HLCS: variants seen among roughly 807,000 people sequenced by gnomAD.
The protein encoded by HLCS is holocarboxylase synthetase, also known as biotin--protein ligase.
Under a neutral mutation model 75.0 loss-of-function variants are expected in HLCS, and 53 were observed. The observed-to-expected ratio is 0.71, with a 90% confidence interval of 0.57 to 0.89. The LOEUF (loss-of-function observed/expected upper bound fraction) is 0.89, where lower values mean the gene tolerates loss of function less well. Ranked by LOEUF, HLCS falls within the 40% of genes least tolerant of loss-of-function variation. HLCS has a pLI of 0.00. For synonymous variants in HLCS, 431 were observed against 428.6 expected, an observed-to-expected ratio of 1.01 and a Z score of -0.07; for missense variants, 966 against 1,074.0, an observed-to-expected ratio of 0.90 and a Z score of 1.41.
intron 6 of HLCS, among the ~76,000 whole-genome samples, chr21:36,808,746 T>C (rs1259944037): frequency 6.6e-6 from 1 of 152,228 alleles, no homozygotes; most frequent in Non-Finnish European, 1.5e-5. Context: ...TCCAGTAGTC[T>C]TTACTCTTTT....
intron 6 of HLCS, among the ~76,000 whole-genome samples, chr21:36,869,097 A>T (rs1027523867): frequency 5.5e-5 from 6 of 109,080 alleles, no homozygotes; most frequent in Admixed American, 1.7e-4. Context: ...AAAGATGTTT[A>T]ATTTATTTAT....
At chr21:36,918,744 C>T (rs1479323405) in intron 5 of HLCS, among the ~76,000 whole-genome samples, 1 of 152,226 alleles carries the variant, frequency 6.6e-6, no homozygotes, top group Admixed American at 6.5e-5. Context: ...CGACTTGCTG[C>T]TATTTGCAGA....
chr21:36,787,235 G>T (rs2060715480), intron 6 of HLCS, among the ~76,000 whole-genome samples: 1 of 152,186 alleles, frequency 6.6e-6, no homozygotes, highest in African/African-American at 2.4e-5. Flanking sequence ...GCTCAGTTTT[G>T]GATGTTCCTC....
At chr21:36,932,781 A>C (rs148976320) in intron 4 of HLCS, among the ~76,000 whole-genome samples, 68 of 152,358 alleles carry the variant, frequency 4.5e-4, no homozygotes, top group Non-Finnish European at 7.9e-4. Context: ...AGAATCTCTC[A>C]ATTCCTACCT....
intron 6 of HLCS, among the ~76,000 whole-genome samples, chr21:36,891,492 C>A (rs558207727): frequency 5.3e-5 from 8 of 152,308 alleles, no homozygotes; most frequent in African/African-American, 1.9e-4. Context: ...CCTAAAAATG[C>A]AGCCTGATAT....
intron 6 of HLCS, among the ~76,000 whole-genome samples, chr21:36,820,610 G>A (rs534954400): frequency 6.6e-6 from 1 of 152,326 alleles, no homozygotes; most frequent in South Asian, 2.1e-4. Flanking sequence ...TGGACTTTGG[G>A]CACCAACAAG....
At chr21:36,815,550 C>A (rs1211789399) in intron 6 of HLCS, among the ~76,000 whole-genome samples, 1 of 152,180 alleles carries the variant, frequency 6.6e-6, no homozygotes, top group Non-Finnish European at 1.5e-5. Flanking sequence ...CAGAGCAGTA[C>A]GCTTAAGAAT....
Position 36,752,744 on chromosome 21 carries a change from A to G in HLCS, c.*1502T>C, listed in dbSNP as rs1374185812. The G allele has an allele frequency of 6.6e-6, 1 of 152,350 alleles. No individual in the cohort carries two copies. Among genetic ancestry groups the G allele is most frequent in the Non-Finnish European group, 1.5e-5 (1 of 68,044 alleles). 9.4% of individuals were successfully genotyped at this position (152,350 alleles called of 1,614,324 possible). A position where few individuals can be genotyped will look rare whatever the true frequency, so the allele number is the denominator to read the frequency against. On this transcript the variant is annotated 3_prime_UTR_variant, in exon 11 of 11. Coordinates refer to ENST00000674895, the MANE Select transcript of HLCS (RefSeq NM_001352514.2). ...TTAATGTTTCATTTCCAAAAAATAT[A>G]TATTGGGTATTTTTTCATAGGGCTG...
At chr21:36,977,800 A>G (rs2068982102) in intron 1 of HLCS, among the ~76,000 whole-genome samples, 1 of 152,196 alleles carries the variant, frequency 6.6e-6, no homozygotes, top group Admixed American at 6.5e-5. Flanking sequence ...GAATAATAAT[A>G]GCATCCACCT....
chr21:36,883,385 T>C (rs78251437), intron 6 of HLCS, among the ~76,000 whole-genome samples: 2,749 of 152,354 alleles, frequency 0.018, 35 homozygotes, highest in Middle Eastern at 0.054. Context: ...AACTGGCACA[T>C]TTATTTTAAA....
chr21:36,981,786 C>T (rs1408488001), intron 1 of HLCS, among the ~76,000 whole-genome samples: 1 of 152,110 alleles, frequency 6.6e-6, no homozygotes, highest in Admixed American at 6.6e-5. Flanking sequence ...ACCCTGAATG[C>T]TTCACTTTCA....
At position 36,765,021 on chromosome 21, in the gene HLCS, G is replaced by A. The variant is rs762221640; in HGVS notation, c.2112C>T (p.Pro704=). The A allele has an allele frequency of 1.1e-5, 17 of 1,614,056 alleles. No homozygotes were observed. Among genetic ancestry groups the A allele is most frequent in the East Asian group, 2.2e-5 (1 of 44,894 alleles). Reference sequence around the variant, plus strand: ...ACTGAACTGTACCTACCTGATACTCGGGAATGGACCTCACTGCTTCCACGA... The same window carrying A: ...ACTGAACTGTACCTACCTGATACTCAGGAATGGACCTCACTGCTTCCACGA... ...VAVVEAVRSI[P]EYQDINLRVK... The change falls in exon 8 of 11, where the codon CCC becomes CCT. Residue 704 remains proline (P), a synonymous_variant. Transcript: ENST00000674895.
At chr21:36,758,983 CA>C (rs376622742) in intron 9 of HLCS, among the ~76,000 whole-genome samples, 5,965 of 131,022 alleles carry the variant, frequency 0.046, 130 homozygotes, top group Middle Eastern at 0.14. Flanking sequence ...GACTCCATTT[CA>C]AAAAAAAAAA....
intron 6 of HLCS, among the ~76,000 whole-genome samples, chr21:36,786,323 G>T (rs1320811579): frequency 6.7e-6 from 1 of 149,490 alleles, no homozygotes; most frequent in Non-Finnish European, 1.5e-5. Flanking sequence ...GTACCATACC[G>T]CCAAAGGTGT....
intron 8 of HLCS, among the ~76,000 whole-genome samples, chr21:36,761,944 G>C (rs554019347): frequency 6.6e-6 from 1 of 152,198 alleles, no homozygotes; most frequent in Non-Finnish European, 1.5e-5. Context: ...GCTCCAGCTC[G>C]CCTTCATGGC....
At chr21:36,966,090 A>C (rs1385206655) in intron 1 of HLCS, among the ~76,000 whole-genome samples, 2 of 152,088 alleles carry the variant, frequency 1.3e-5, no homozygotes, top group East Asian at 3.9e-4. Context: ...GTTCACGGTC[A>C]CCCAAACGCC....
chr21:36,756,390 G>A (rs1038205736), intron 10 of HLCS, 152 bp downstream of exon 10: 1 of 625,110 alleles, frequency 1.6e-6, no homozygotes, highest in Non-Finnish European at 2.7e-6. Context: ...GGCGGAGCTT[G>A]CAGTGAGCCA....
In HLCS at chr21:36,936,644, G is replaced by T. The variant is rs772203778; in HGVS notation, c.1242C>A (p.Val414=). The part of the protein sequence containing the change: ...VTSKGALHKT[V]QNLVFSKADQ... The stretch of plus-strand genomic sequence containing the variant: ...CAGCCTTGGAGAAAACCAAGTTCTG[G>T]ACTGTCTTGTGCAGTGCACCCTTGC... Residue 414 remains valine (V), a synonymous_variant, in exon 4 of 11, where the codon GTC becomes GTA. Coordinates refer to ENST00000674895, the MANE Select transcript of HLCS (RefSeq NM_001352514.2). 1 of 1,614,062 alleles carries T rather than the reference G, an allele frequency of 6.2e-7. No individual in the cohort carries two copies. The highest frequency in any genetic ancestry group is 2.2e-5 in the East Asian group (1 of 44,884).
intron 6 of HLCS, among the ~76,000 whole-genome samples, chr21:36,800,243 CAT>C (rs1312003404): frequency 3.9e-5 from 6 of 152,138 alleles, no homozygotes; most frequent in South Asian, 2.1e-4. Context: ...TCAGCAGAAA[CAT>C]ATGTTTTCAT....
Sources: allele counts gnomAD v4.1 joint callset (sites outside exome capture counted in the v4.1 genomes callset), GRCh38; gene constraint gnomAD v4.1.1; transcripts MANE v1.5; gene names NCBI Gene and HGNC (gene_info 2026-07-23, HGNC 2026-07-21).